The following E2F8 variants were observed in gnomAD, a reference collection of about 807,000 sequenced individuals.
E2F8 encodes the protein E2F transcription factor 8.
Under a neutral mutation model 80.8 loss-of-function variants are expected in E2F8, and 35 were observed. The ratio of observed to expected loss-of-function variants is 0.43; its 90% CI spans 0.33 to 0.57. E2F8 has a LOEUF of 0.57. Among genes scored for constraint, E2F8 ranks in the 20% least tolerant of loss-of-function variants. E2F8 has a pLI of 0.04. For missense variants in E2F8, 975 were observed against 1,056.2 expected (o/e 0.92, Z 1.07); for synonymous variants, 386 against 395.0 (o/e 0.98, Z 0.27).
At position 19,234,858 on chromosome 11, in the gene E2F8, A is replaced by T. The variant is rs1320598587; in HGVS notation, c.652T>A (p.Phe218Ile). The change falls in exon 5 of 13, where the codon TTT becomes ATT. Residue 218 changes from phenylalanine (F) to isoleucine (I), a missense_variant. By Grantham distance (21) the Phe-to-Ile change is conservative. Transcript: ENST00000250024. ...ATACTGTAACTCTTAATAAAGTCAAACTCTTGCTCATATTCTTTCTTTTTG... is the reference window on the plus strand; with the variant it reads ...ATACTGTAACTCTTAATAAAGTCAATCTCTTGCTCATATTCTTTCTTTTTG... ...MIKKKEYEQE[F>I]DFIKSYSIED... 1 of 1,613,980 alleles carries T rather than the reference A, an allele frequency of 6.2e-7. No homozygotes were observed. Among genetic ancestry groups the T allele is most frequent in the South Asian group, 1.1e-5 (1 of 91,072 alleles).
At chr11:19,233,671 G>A (rs946531359) in intron 6 of E2F8, among the ~76,000 whole-genome samples, 8 of 151,872 alleles carry the variant, frequency 5.3e-5, no homozygotes, top group African/African-American at 1.9e-4. Context: ...TGTATTTTTA[G>A]TAGAGACGGG....
Position 19,235,666 on chromosome 11 carries a change from C to CA in E2F8, c.452-609dup, listed in dbSNP as rs57848611. ...TCCGTCTCAAAAACAAACAAACAAA[C>CA]AAAAAAAAAAAACGATGAGAAAACA... On this transcript the variant is annotated intron_variant, in intron 4 of 12. Transcript: ENST00000250024. Among the ~76,000 whole-genome samples the CA allele has an allele frequency of 6.7e-3, 990 of 147,574 alleles. 7 individuals carry two copies. Among genetic ancestry groups the CA allele is most frequent in the Non-Finnish European group, 8.1e-3 (542 of 66,740 alleles).
chr11:19,230,913 A>C, intron 7 of E2F8, 79 bp from the exon 8 acceptor site: 1 of 1,374,962 alleles, frequency 7.3e-7, no homozygotes, highest in East Asian at 2.4e-5. Context: ...CAATTTTAGG[A>C]ATAAAAGTGG....
Position 19,229,549 on chromosome 11 carries a change from C to G in E2F8, c.1798G>C (p.Gly600Arg). ...CTTGCCCTCTTTGAGCCTCTTTCTC[C>G]AGCTGGCTCCCTGGTTCGGCTCTTT... ...GAKSRTREPA[G>R]ERGSKRASML... The change falls in exon 10 of 13, where the codon GGA becomes CGA. Residue 600 changes from glycine (G) to arginine (R), a missense_variant. Transcript: ENST00000250024. This position sits in a 1 kb window ranked among gnomAD's most constrained non-coding sequence, Gnocchi z 4.3. 6.2e-7 allele frequency: 1 copy of G among 1,614,242 alleles called. No homozygotes were observed. The highest frequency in any genetic ancestry group is 8.5e-7 in the Non-Finnish European group (1 of 1,180,046).
In E2F8 at chr11:19,229,342, C is replaced by A; in HGVS notation, c.1893+112G>T. The A allele has an allele frequency of 7.1e-7, 1 of 1,416,348 alleles. No homozygotes were observed. The highest frequency in any genetic ancestry group is 1.4e-5 in the African/African-American group (1 of 69,732). 87.7% of individuals were successfully genotyped at this position (1,416,348 alleles called of 1,614,324 possible). ...ACTTGGATTATGGGATGCTAAGGAACAGTTCCTTGTCTTCTGAGAGAATGC... is the reference window on the plus strand; with the variant it reads ...ACTTGGATTATGGGATGCTAAGGAAAAGTTCCTTGTCTTCTGAGAGAATGC... On this transcript the variant is annotated intron_variant, in intron 10 of 12. Transcript: ENST00000250024. The surrounding 1 kb of genome is among the most constrained non-coding windows in gnomAD (Gnocchi z 4.3).
intron 10 of E2F8, among the ~76,000 whole-genome samples, chr11:19,227,360 T>G (rs576162917): frequency 6.6e-6 from 1 of 152,332 alleles, no homozygotes; most frequent in South Asian, 2.1e-4. Flanking sequence ...TATGAAGACC[T>G]GCGCTCTATT....
rs1851567362 is a variant in E2F8 at position 19,238,005 on chromosome 11, G to A, written c.143C>T (p.Pro48Leu). 6.2e-7 allele frequency: 1 copy of A among 1,614,134 alleles called. No homozygotes were observed. Among genetic ancestry groups the A allele is most frequent in the South Asian group, 1.1e-5 (1 of 91,082 alleles). The change falls in exon 3 of 13, where the codon CCC becomes CTC. Residue 48 changes from proline to leucine, a missense_variant. Coordinates refer to ENST00000250024, the MANE Select transcript of E2F8 (RefSeq NM_024680.4). ...CGGCTCTCCCTGAGAGCCTTCCTTGGGCTTGGTAGGTGTGGTTAAAGGGCC... is the reference window on the plus strand; with the variant it reads ...CGGCTCTCCCTGAGAGCCTTCCTTGAGCTTGGTAGGTGTGGTTAAAGGGCC... Reference protein sequence around the residue: ...DFGPLTTPTKPKEGSQGEPWT... With the variant: ...DFGPLTTPTKLKEGSQGEPWT...
chr11:19,241,108 CG>C (rs1392829053), upstream of E2F8, among the ~76,000 whole-genome samples: 3 of 152,248 alleles, frequency 2.0e-5, no homozygotes, highest in Non-Finnish European at 4.4e-5. The surrounding 1 kb of genome is among the most constrained non-coding windows in gnomAD (Gnocchi z 4.5). Context: ...GCGCCAGGGG[CG>C]GGGCCGGACC....
chr11:19,232,448 T>A, intron 6 of E2F8, 77 bp from the exon 7 acceptor site: 1 of 1,288,512 alleles, frequency 7.8e-7, no homozygotes, highest in Admixed American at 2.1e-5. Context: ...GGACTTCATG[T>A]ATATTCTAAG....
chr11:19,234,683 C>G (rs750245881), intron 5 of E2F8, 61 bp downstream of exon 5: 178 of 1,553,102 alleles, frequency 1.1e-4, no homozygotes, highest in Non-Finnish European at 1.5e-4. Flanking sequence ...CTCCACAGAA[C>G]CTTTTCCTTA....
At position 19,233,288 on chromosome 11, in the gene E2F8, C is replaced by T. The variant is rs371374925; in HGVS notation, c.929-917G>A. Among the ~76,000 whole-genome samples the T allele has an allele frequency of 3.3e-5, 5 of 152,262 alleles. No individual in the cohort carries two copies. The East Asian group carries it at 9.7e-4, about 29-fold the overall frequency. On this transcript the variant is annotated intron_variant, in intron 6 of 12. Coordinates refer to ENST00000250024, the MANE Select transcript of E2F8 (RefSeq NM_024680.4). ...TTTTGTTAGGAATCCAATCTACAGTCCCTTCCCAATTTTGAGCAGGTAATC... is the reference window on the plus strand; with the variant it reads ...TTTTGTTAGGAATCCAATCTACAGTTCCTTCCCAATTTTGAGCAGGTAATC...
rs1851333495 is a variant in E2F8, at chr11:19,229,980, C to T, written c.1367G>A (p.Arg456Lys). The change falls in exon 10 of 13, where the codon AGA becomes AAA. Residue 456 changes from arginine to lysine, a missense_variant. By Grantham distance (26) the Arg-to-Lys change is conservative (BLOSUM62 2). Transcript: ENST00000250024. This position sits in a 1 kb window ranked among gnomAD's most constrained non-coding sequence, Gnocchi z 4.3. ...MQLEEQSSES[R>K]QKVKVQLARS... ...TGCCAGCTGTACTTTCACTTTCTGT[C>T]TGGATTCACTGAAAGACAAGATTTA... 1 of 1,613,304 alleles carries T rather than the reference C, an allele frequency of 6.2e-7. No individual in the cohort carries two copies. Among genetic ancestry groups the T allele is most frequent in the African/African-American group, 1.3e-5 (1 of 74,910 alleles).
At chr11:19,227,762 T>A (rs1851273179) in intron 10 of E2F8, among the ~76,000 whole-genome samples, 1 of 152,240 alleles carries the variant, frequency 6.6e-6, no homozygotes, top group East Asian at 1.9e-4. Flanking sequence ...TCTCTCATTG[T>A]CTTTGTTTTG....
In E2F8 at chr11:19,240,132, C is replaced by T; in HGVS notation, c.-11G>A. 6.6e-7 allele frequency: 1 copy of T among 1,508,714 alleles called. No homozygotes were observed. The highest frequency in any genetic ancestry group is 8.9e-7 in the Non-Finnish European group (1 of 1,121,870). The allele number at this position is 1,508,714 out of a possible 1,614,324, so 93.5% of individuals were successfully genotyped here. ...CTTTTCGTTCTCCATTCTGTAAATT[C>T]CTCATACATTTAGAGTTTAAAAATG... On this transcript the variant is annotated 5_prime_UTR_variant, in exon 2 of 13. Coordinates refer to ENST00000250024, the MANE Select transcript of E2F8 (RefSeq NM_024680.4).
intron 2 of E2F8, among the ~76,000 whole-genome samples, chr11:19,239,054 T>C (rs147168485): frequency 6.6e-6 from 1 of 152,198 alleles, no homozygotes; most frequent in Non-Finnish European, 1.5e-5. Context: ...CCCATCTTTA[T>C]CTATTTTAAA....
In E2F8 at chr11:19,234,992, A is replaced by G; in HGVS notation, c.518T>C (p.Leu173Pro). The change falls in exon 5 of 13, where the codon CTC (leucine) becomes CCC (proline). Residue 173 changes from leucine to proline, a missense_variant. Transcript: ENST00000250024. Reference sequence around the variant, plus strand: ...GTGCCAAGTGTACCTGTTTTTGGCGAGGCGGCTCACCATATGTAAACTCTC... The same window carrying G: ...GTGCCAAGTGTACCTGTTTTTGGCGGGGCGGCTCACCATATGTAAACTCTC... Reference protein sequence around the residue: ...VLESLHMVSRLAKNRYTWHGR... With the variant: ...VLESLHMVSRPAKNRYTWHGR... 1.9e-6 allele frequency: 3 copies of G among 1,614,202 alleles called. No homozygotes were observed. The highest frequency in any genetic ancestry group is 2.5e-6 in the Non-Finnish European group (3 of 1,180,034).
chr11:19,228,271 A>G (rs867999636), intron 10 of E2F8, among the ~76,000 whole-genome samples: 1 of 152,214 alleles, frequency 6.6e-6, no homozygotes, highest in Non-Finnish European at 1.5e-5. Context: ...ATGATTTCCC[A>G]CTTGGCATAT....
intron 6 of E2F8, among the ~76,000 whole-genome samples, chr11:19,233,562 A>G (rs1246812877): frequency 6.6e-6 from 1 of 151,898 alleles, no homozygotes; most frequent in African/African-American, 2.4e-5. Context: ...ATCTCGGCTC[A>G]CTGCAAGCGC....
At chr11:19,225,086 C>T in intron 12 of E2F8, 135 bp downstream of exon 12, 1 of 1,325,722 alleles carries the variant, frequency 7.5e-7, no homozygotes, top group African/African-American at 1.5e-5. Flanking sequence ...CTGGAAGAAA[C>T]ATAGGCCTTC....
Sources: gnomAD v4.1 joint callset for allele counts (sites outside exome capture counted in the v4.1 genomes callset) on GRCh38, gnomAD v4.1.1 for gene constraint, Gnocchi (gnomAD v3.1) non-coding constraint, MANE v1.5 for transcripts, NCBI Gene and HGNC (gene_info 2026-07-23, HGNC 2026-07-21) for gene names.